SUPT3H: variants seen among roughly 807,000 people sequenced by gnomAD.
SUPT3H encodes the protein transcription initiation protein SPT3 homolog.
SUPT3H carries 44 observed loss-of-function variants against 44.3 expected under a neutral mutation model. The observed-to-expected ratio is 0.99, with a 90% CI of 0.78 to 1.28. The LOEUF (loss-of-function observed/expected upper bound fraction) is 1.28. Among genes scored for constraint, SUPT3H ranks in the 50% most tolerant of loss-of-function variants. The pLI is 0.00. For synonymous variants in SUPT3H, 124 were observed against 125.6 expected (o/e 0.99, Z 0.09); for missense variants, 380 against 387.1 (o/e 0.98, Z 0.15).
intron 2 of SUPT3H, among the ~76,000 whole-genome samples, chr6:45,150,175 A>G (rs1247584879): frequency 6.6e-6 from 1 of 152,194 alleles, no homozygotes; most frequent in East Asian, 1.9e-4. Flanking sequence ...CTCATAAATC[A>G]AAAGAACCAA....
intron 10 of SUPT3H, among the ~76,000 whole-genome samples, chr6:44,894,176 T>G (rs1384720685): frequency 7.6e-6 from 1 of 131,454 alleles, no homozygotes; most frequent in Non-Finnish European, 1.7e-5. Context: ...GTAGGTTGCC[T>G]GTTCACTCTG....
chr6:45,067,516 GTGA>G (rs1265595602), intron 3 of SUPT3H, among the ~76,000 whole-genome samples: 3 of 150,788 alleles, frequency 2.0e-5, no homozygotes, highest in African/African-American at 7.3e-5. Flanking sequence ...TACCATCAGA[GTGA>G]ACAGGCAACC....
intron 3 of SUPT3H, among the ~76,000 whole-genome samples, chr6:45,049,105 T>A (rs1264757093): frequency 2.0e-5 from 3 of 152,164 alleles, no homozygotes; most frequent in African/African-American, 7.2e-5. Context: ...CCTTCCACAA[T>A]GTACACGTGT....
chr6:45,316,545 G>A (rs193231361), intron 2 of SUPT3H, among the ~76,000 whole-genome samples: 13 of 152,002 alleles, frequency 8.6e-5, no homozygotes, highest in Admixed American at 8.5e-4. Context: ...TAAAGACTCT[G>A]GAATAAACTG....
chr6:45,214,992 G>A (rs1237509650), intron 2 of SUPT3H, among the ~76,000 whole-genome samples: 1 of 151,972 alleles, frequency 6.6e-6, no homozygotes, highest in Non-Finnish European at 1.5e-5. Context: ...CCTACCCCGT[G>A]GCTCCTACTC....
intron 4 of SUPT3H, 120 bp downstream of exon 4, chr6:45,020,426 C>A: frequency 4.5e-6 from 3 of 666,612 alleles, no homozygotes; most frequent in Non-Finnish European, 7.3e-6. Flanking sequence ...AAGACTAAAA[C>A]ATCAGTTCAA....
chr6:45,003,880 C>A, intron 5 of SUPT3H, 88 bp from the exon 6 acceptor site: 2 of 1,378,928 alleles, frequency 1.5e-6, no homozygotes, highest in Non-Finnish European at 9.8e-7. Flanking sequence ...ATATAGTATA[C>A]CAAATTCAGA....
At chr6:45,132,005 A>G (rs1454126605) in intron 2 of SUPT3H, among the ~76,000 whole-genome samples, 1 of 152,234 alleles carries the variant, frequency 6.6e-6, no homozygotes, top group African/African-American at 2.4e-5. Flanking sequence ...AATTGAGCAC[A>G]GTAAGATATT....
intron 3 of SUPT3H, among the ~76,000 whole-genome samples, chr6:45,072,056 G>C (rs142882142): frequency 6.6e-6 from 1 of 152,100 alleles, no homozygotes; most frequent in Non-Finnish European, 1.5e-5. Context: ...CCAGTCAAGT[G>C]ATTTCCACAA....
chr6:45,279,786 C>T (rs1336983849), intron 2 of SUPT3H, among the ~76,000 whole-genome samples: 1 of 152,170 alleles, frequency 6.6e-6, no homozygotes, highest in Non-Finnish European at 1.5e-5. Context: ...TCTATAAAAG[C>T]TATCATATTG....
At chr6:45,094,355 T>C (rs1371190916) in intron 3 of SUPT3H, among the ~76,000 whole-genome samples, 3 of 152,138 alleles carry the variant, frequency 2.0e-5, no homozygotes, top group African/African-American at 7.2e-5. Flanking sequence ...GAGAAGATGC[T>C]ATTTTATATC....
chr6:45,324,892 C>T (rs1394141506), intron 2 of SUPT3H, among the ~76,000 whole-genome samples: 1 of 151,830 alleles, frequency 6.6e-6, no homozygotes, highest in Non-Finnish European at 1.5e-5. Flanking sequence ...TGTACATAAA[C>T]ATATACCCCA....
At chr6:44,968,040 G>T (rs531694008) in intron 6 of SUPT3H, among the ~76,000 whole-genome samples, 2 of 152,184 alleles carry the variant, frequency 1.3e-5, no homozygotes, top group East Asian at 1.9e-4. Context: ...TGATCCTCCT[G>T]CCTCGGCCTC....
chr6:45,207,887 A>C (rs1014081480), intron 2 of SUPT3H, among the ~76,000 whole-genome samples: 1 of 152,210 alleles, frequency 6.6e-6, no homozygotes, highest in Admixed American at 6.5e-5. Flanking sequence ...TTGGCCAGTC[A>C]ATAACCCTAC....
intron 6 of SUPT3H, among the ~76,000 whole-genome samples, chr6:44,997,621 T>G (rs1247230266): frequency 6.6e-6 from 1 of 151,888 alleles, no homozygotes; most frequent in Non-Finnish European, 1.5e-5. Context: ...CTGTACATAA[T>G]GATAAATTTT....
At chr6:45,031,858 T>G (rs56200314) in intron 3 of SUPT3H, among the ~76,000 whole-genome samples, 2 of 152,164 alleles carry the variant, frequency 1.3e-5, no homozygotes, top group Non-Finnish European at 1.5e-5. Flanking sequence ...TAGCTGCAAG[T>G]GCATGAAAGG....
At chr6:45,141,430 T>C in intron 2 of SUPT3H, among the ~76,000 whole-genome samples, 1 of 149,860 alleles carries the variant, frequency 6.7e-6, no homozygotes, top group South Asian at 2.1e-4. Context: ...GAAAAGCAAC[T>C]TAAATAAGTT....
At chr6:45,170,155 T>C (rs1232141766) in intron 2 of SUPT3H, among the ~76,000 whole-genome samples, 1 of 152,224 alleles carries the variant, frequency 6.6e-6, no homozygotes, top group East Asian at 1.9e-4. Flanking sequence ...AAAATTTACC[T>C]CTTAAAAGTG....
At chr6:44,867,070 G>A (rs1775619276) in intron 10 of SUPT3H, among the ~76,000 whole-genome samples, 1 of 151,900 alleles carries the variant, frequency 6.6e-6, no homozygotes, top group African/African-American at 2.4e-5. Context: ...ATTAAAAACA[G>A]CCACTATGAT....
Sources: gnomAD v4.1 joint callset for allele counts (sites outside exome capture counted in the v4.1 genomes callset) on GRCh38, gnomAD v4.1.1 for gene constraint, MANE v1.5 for transcripts, NCBI Gene and HGNC (gene_info 2026-07-23, HGNC 2026-07-21) for gene names.